The following FAM50B variants were observed in gnomAD, a reference collection of about 807,000 sequenced individuals.
FAM50B encodes protein FAM50B.
A neutral mutation model predicts 25.4 loss-of-function variants in FAM50B; 9 were observed. The ratio of observed to expected loss-of-function variants is 0.35; its 90% CI spans 0.21 to 0.62. The LOEUF is 0.62. FAM50B is among the 20% of genes least tolerant of loss of function. The pLI is 0.73. For synonymous variants in FAM50B, 212 were observed against 204.3 expected (o/e 1.04, Z -0.32); for missense variants, 372 against 477.9 (o/e 0.78, Z 2.07).
the FAM50B span, among the ~76,000 whole-genome samples, chr6:3,832,508 T>C: frequency 6.6e-6 from 1 of 152,224 alleles, no homozygotes; most frequent in Non-Finnish European, 1.5e-5. Flanking sequence ...TGCCTGTCCC[T>C]GGCTTCTCAG....
At chr6:3,837,559 TA>T in the FAM50B span, among the ~76,000 whole-genome samples, 29 of 152,080 alleles carry the variant, frequency 1.9e-4, no homozygotes, top group South Asian at 4.2e-4. Flanking sequence ...GACCAAAATA[TA>T]AAAAAAATGC....
chr6:3,832,858 AT>A, the FAM50B span, among the ~76,000 whole-genome samples: 46 of 146,798 alleles, frequency 3.1e-4, no homozygotes, highest in South Asian at 4.3e-4. Context: ...GACCTTTTTA[AT>A]TTTTTTTTTT....
the FAM50B span, among the ~76,000 whole-genome samples, chr6:3,839,645 G>T: frequency 1.3e-5 from 2 of 152,122 alleles, no homozygotes; most frequent in African/African-American, 4.8e-5. Context: ...TTTCAATTTT[G>T]TTAAAATATT....
chr6:3,833,426 G>A, the FAM50B span, among the ~76,000 whole-genome samples: 46 of 152,196 alleles, frequency 3.0e-4, no homozygotes, highest in Admixed American at 1.1e-3. Flanking sequence ...AACCAGGACC[G>A]TGTGTGTGTG....
the FAM50B span, among the ~76,000 whole-genome samples, chr6:3,838,037 A>G: frequency 6.6e-6 from 1 of 152,216 alleles, no homozygotes; most frequent in East Asian, 1.9e-4. Flanking sequence ...ACTCTCATAT[A>G]TTTCTGAGAA....
chr6:3,843,520 T>G, the FAM50B span, among the ~76,000 whole-genome samples: 3 of 152,340 alleles, frequency 2.0e-5, no homozygotes, highest in Non-Finnish European at 4.4e-5. Context: ...ATTTTGAAAT[T>G]GTGACATCTC....
Position 3,850,942 on chromosome 6 carries a change from A to G in FAM50B, c.*153A>G. Reference sequence around the variant, plus strand: ...ATTCACATTGGTTGTGCTATTGCTGATGTTATGCTTTGGTTGCTTGGTTGG... The same window carrying G: ...ATTCACATTGGTTGTGCTATTGCTGGTGTTATGCTTTGGTTGCTTGGTTGG... On this transcript the variant is annotated 3_prime_UTR_variant, in exon 2 of 2. Coordinates refer to ENST00000648326, the MANE Select transcript of FAM50B (RefSeq NM_012135.3). The G allele has an allele frequency of 7.8e-7, 1 of 1,277,500 alleles. No individual in the cohort carries two copies. The allele number at this position is 1,277,500 out of a possible 1,614,324, so 79.1% of individuals were successfully genotyped here. A position where few individuals can be genotyped will look rare whatever the true frequency, so the allele number is the denominator to read the frequency against.
At chr6:3,846,392 TA>T (rs1762123281), upstream of FAM50B, among the ~76,000 whole-genome samples, 1 of 152,210 alleles carries the variant, frequency 6.6e-6, no homozygotes, top group Non-Finnish European at 1.5e-5. Context: ...ATAATGTGCA[TA>T]ATTTCATTAA....
the FAM50B span, among the ~76,000 whole-genome samples, chr6:3,838,924 C>T: frequency 6.7e-6 from 1 of 149,164 alleles, no homozygotes; most frequent in Non-Finnish European, 1.5e-5. Flanking sequence ...GCATGGATGA[C>T]AATCAAATGC....
At chr6:3,842,447 A>C in the FAM50B span, among the ~76,000 whole-genome samples, 1 of 152,190 alleles carries the variant, frequency 6.6e-6, no homozygotes, top group Admixed American at 6.5e-5. Flanking sequence ...GACATTCCTG[A>C]TACATTTAGT....
chr6:3,844,697 G>A (rs1265253276), upstream of FAM50B, among the ~76,000 whole-genome samples: 1 of 152,064 alleles, frequency 6.6e-6, no homozygotes, highest in African/African-American at 2.4e-5. Flanking sequence ...CTGGAAGACA[G>A]AGCCAGACTC....
In FAM50B at chr6:3,850,082, C is replaced by G. The variant is rs1436984887; in HGVS notation, c.271C>G (p.Arg91Gly). 1 of 1,610,016 alleles carries G rather than the reference C, an allele frequency of 6.2e-7. No homozygotes were observed. Among genetic ancestry groups the G allele is most frequent in the African/African-American group, 1.3e-5 (1 of 74,808 alleles). The change falls in exon 2 of 2, where the codon CGC (arginine) becomes GGC (glycine). Residue 91 changes from arginine (R) to glycine (G), a missense_variant. Around this residue, in one of 4 missense-constraint regions of FAM50B, gnomAD observed 224 missense variants for 232.2 expected, o/e 0.96. Coordinates refer to ENST00000648326, the MANE Select transcript of FAM50B (RefSeq NM_012135.3). ...GGAGCGCGAGCGGCAGCTGGCCAAG[C>G]GCCAGCACCTGGAGGAGCAGCGGCT... is the stretch of plus-strand genomic sequence containing the variant. Reference protein sequence around the residue: ...VRERERQLAKRQHLEEQRLQQ... With the variant: ...VRERERQLAKGQHLEEQRLQQ...
At chr6:3,840,508 C>T in the FAM50B span, among the ~76,000 whole-genome samples, 2 of 152,098 alleles carry the variant, frequency 1.3e-5, no homozygotes, top group Non-Finnish European at 2.9e-5. Flanking sequence ...AGACCCAGGG[C>T]TGTGGAGTCA....
upstream of FAM50B, among the ~76,000 whole-genome samples, chr6:3,845,975 C>A (rs1241510142): frequency 6.6e-6 from 1 of 152,172 alleles, no homozygotes; most frequent in Non-Finnish European, 1.5e-5. Context: ...CCCGCCTCGG[C>A]CTCCCAAAGT....
At chr6:3,843,132 T>C in the FAM50B span, among the ~76,000 whole-genome samples, 1 of 152,254 alleles carries the variant, frequency 6.6e-6, no homozygotes, top group Non-Finnish European at 1.5e-5. Context: ...CTTCTTCAAA[T>C]GACCTGGCCA....
chr6:3,849,272 A>G (rs1581303105), upstream of FAM50B: 1 of 153,366 alleles, frequency 6.5e-6, no homozygotes, highest in East Asian at 1.9e-4. Context: ...CCTCCCCGCC[A>G]GGGGGCGATC....
chr6:3,846,045 G>A (rs73360808), upstream of FAM50B, among the ~76,000 whole-genome samples: 7,807 of 152,130 alleles, frequency 0.051, 350 homozygotes, highest in East Asian at 0.15. Context: ...CTATTCAGGC[G>A]CAGTGAAAAA....
intron 1 of FAM50B, 143 bp from the exon 2 acceptor site, chr6:3,849,646 G>C: frequency 8.1e-7 from 1 of 1,237,934 alleles, no homozygotes; most frequent in Non-Finnish European, 1.1e-6. Flanking sequence ...ACACTGTCAG[G>C]TTGGTGGTTA....
the FAM50B span, among the ~76,000 whole-genome samples, chr6:3,843,955 GC>G: frequency 6.6e-6 from 1 of 152,118 alleles, no homozygotes; most frequent in Non-Finnish European, 1.5e-5. Flanking sequence ...CTACACCCAG[GC>G]CAGGCCCACC....
Sources: allele counts gnomAD v4.1 joint callset (sites outside exome capture counted in the v4.1 genomes callset), GRCh38; gene constraint gnomAD v4.1.1; regional missense constraint gnomAD v4.1.1; transcripts MANE v1.5; gene names NCBI Gene and HGNC (gene_info 2026-07-23, HGNC 2026-07-21).